FOXO1: variants seen among roughly 807,000 people sequenced by gnomAD.
The protein encoded by FOXO1 is forkhead box protein O1.
A neutral mutation model predicts 44.1 loss-of-function variants in FOXO1; 6 were observed. The observed-to-expected ratio is 0.14, with a 90% CI of 0.07 to 0.27. The LOEUF (loss-of-function observed/expected upper bound fraction) is 0.27. FOXO1 is among the 10% of genes least tolerant of loss of function. FOXO1 has a pLI of 1.00. For synonymous variants in FOXO1, 380 were observed against 362.7 expected (o/e 1.05, Z -0.54); for missense variants, 737 against 888.8 (o/e 0.83, Z 2.17).
Position 40,558,564 on chromosome 13 carries a change from G to T in FOXO1, c.*485C>A. On this transcript the variant is annotated 3_prime_UTR_variant, in exon 3 of 3. Transcript: ENST00000379561. ...CAGTTCTTTGTGATCCGTCAGTTCC[G>T]CAGAAAACAGGTAGTACAAACAAAA... 1 of 290,954 alleles carries T rather than the reference G, an allele frequency of 3.4e-6. No individual in the cohort carries two copies. The highest frequency in any genetic ancestry group is 9.3e-4 in the Middle Eastern group (1 of 1,080). The allele number at this position is 290,954 out of a possible 1,614,324, so 18.0% of individuals were successfully genotyped here. A position where few individuals can be genotyped will look rare whatever the true frequency, so the allele number is the denominator to read the frequency against.
At chr13:40,584,658 T>TTA (rs796556255) in intron 1 of FOXO1, among the ~76,000 whole-genome samples, 16 of 151,894 alleles carry the variant, frequency 1.1e-4, no homozygotes, top group African/African-American at 3.4e-4. Flanking sequence ...CAAACAAACA[T>TTA]TATATATATA....
At chr13:40,665,208 G>A (rs1010551033) in intron 1 of FOXO1, among the ~76,000 whole-genome samples, 5 of 151,964 alleles carry the variant, frequency 3.3e-5, no homozygotes, top group Non-Finnish European at 7.4e-5. Context: ...CCCCGCGGAG[G>A]TCCGGGAGGG....
chr13:40,632,908 T>C (rs1390305786), intron 1 of FOXO1, among the ~76,000 whole-genome samples: 2 of 117,518 alleles, frequency 1.7e-5, no homozygotes, highest in Admixed American at 9.9e-5. Flanking sequence ...TGAAACTCCA[T>C]CTCAAAAAAA....
chr13:40,562,411 C>G (rs1265971808), intron 1 of FOXO1, among the ~76,000 whole-genome samples: 3 of 152,222 alleles, frequency 2.0e-5, no homozygotes, highest in African/African-American at 7.2e-5. Flanking sequence ...CTGCTACTTA[C>G]TTACCTAGGT....
At chr13:40,585,063 G>A (rs1230516640) in intron 1 of FOXO1, among the ~76,000 whole-genome samples, 2 of 152,178 alleles carry the variant, frequency 1.3e-5, no homozygotes, top group Non-Finnish European at 2.9e-5. Context: ...AGGCAAGTAT[G>A]AGAAACACTA....
At chr13:40,596,307 A>C (rs1256931439) in intron 1 of FOXO1, among the ~76,000 whole-genome samples, 1 of 152,212 alleles carries the variant, frequency 6.6e-6, no homozygotes, top group Non-Finnish European at 1.5e-5. Flanking sequence ...GACTGCTGTC[A>C]TCCAGGCAGA....
intron 1 of FOXO1, among the ~76,000 whole-genome samples, chr13:40,609,491 T>A (rs1876148367): frequency 6.6e-6 from 1 of 152,196 alleles, no homozygotes; most frequent in Non-Finnish European, 1.5e-5. Context: ...CAGGTTTCAG[T>A]GCATCCTTCT....
intron 1 of FOXO1, among the ~76,000 whole-genome samples, chr13:40,634,013 C>G (rs1159770800): frequency 6.6e-6 from 1 of 152,160 alleles, no homozygotes; most frequent in Non-Finnish European, 1.5e-5. Flanking sequence ...CACTCACTAT[C>G]AGGGTTGGAA....
At chr13:40,631,132 C>CTG (rs1876948279) in intron 1 of FOXO1, among the ~76,000 whole-genome samples, 1 of 152,194 alleles carries the variant, frequency 6.6e-6, no homozygotes, top group South Asian at 2.1e-4. Context: ...CCAAGAGAGG[C>CTG]TGGACTTAGA....
chr13:40,592,869 A>T (rs530389832), intron 1 of FOXO1, among the ~76,000 whole-genome samples: 1 of 152,352 alleles, frequency 6.6e-6, no homozygotes, highest in East Asian at 1.9e-4. Context: ...TGGGTCTCAC[A>T]TGATCAAACA....
Position 40,602,312 on chromosome 13 carries a change from C to T in FOXO1, c.631-41452G>A, listed in dbSNP as rs753912554. Reference sequence around the variant, plus strand: ...ATTAGTCATTTGCAAGAAACTAAGCCGGCTATCCACAGAGAAATTTTCAAA... The same window carrying T: ...ATTAGTCATTTGCAAGAAACTAAGCTGGCTATCCACAGAGAAATTTTCAAA... On this transcript the variant is annotated intron_variant, in intron 1 of 2. Transcript: ENST00000379561. Among the ~76,000 whole-genome samples the T allele has an allele frequency of 8.6e-5, 13 of 151,860 alleles. No individual in the cohort carries two copies. In the South Asian group the frequency reaches 1.7e-3, roughly 19 times the overall value.
In FOXO1 at chr13:40,603,794, T is replaced by C. The variant is rs942940844; in HGVS notation, c.631-42934A>G. On this transcript the variant is annotated intron_variant, in intron 1 of 2. Coordinates refer to ENST00000379561, the MANE Select transcript of FOXO1 (RefSeq NM_002015.4). ...TCAACTTAGTTTTTCCTAAAGATAA[T>C]TATTTTCACATTCATATTTAATAAC... Among the ~76,000 whole-genome samples the C allele has an allele frequency of 2.0e-5, 3 of 152,220 alleles. No homozygotes were observed. The South Asian group carries it at 6.2e-4, about 32-fold the overall frequency.
rs1191630435 is a variant in FOXO1 at position 40,627,559 on chromosome 13, G to A, written c.630+38024C>T. Among the ~76,000 whole-genome samples, 23 of 152,228 alleles carry A rather than the reference G, an allele frequency of 1.5e-4. 2 individuals are homozygous for A. The highest frequency in any genetic ancestry group is 1.2e-3 in the South Asian group (6 of 4,816). On this transcript the variant is annotated intron_variant, in intron 1 of 2. Transcript: ENST00000379561. Reference sequence around the variant, plus strand: ...TTAACAATAACTTTCCTGGCCAAGCGTGGTGGCTCATGCCTGTAATCCCAG... The same window carrying A: ...TTAACAATAACTTTCCTGGCCAAGCATGGTGGCTCATGCCTGTAATCCCAG...
rs1474066092 is a variant in FOXO1, at chr13:40,560,300, G to A, written c.1191C>T (p.Thr397=). 6.2e-7 allele frequency: 1 copy of A among 1,614,184 alleles called. No individual in the cohort carries two copies. Among genetic ancestry groups the A allele is most frequent in the Non-Finnish European group, 8.5e-7 (1 of 1,180,042 alleles). ...LTVSTQSSPG[T]MMQQTPCYSF... ...AGTAGCACGGCGTCTGCTGCATCAT[G>A]GTGCCAGGTGAGGACTGGGTCGAAA... Residue 397 remains threonine, a synonymous_variant, in exon 2 of 3, where the codon ACC becomes ACT. Transcript: ENST00000379561. The surrounding 1 kb of genome is among the most constrained non-coding windows in gnomAD (Gnocchi z 5.1).
At chr13:40,663,962 G>A (rs925643134) in intron 1 of FOXO1, among the ~76,000 whole-genome samples, 4 of 152,218 alleles carry the variant, frequency 2.6e-5, no homozygotes, top group Non-Finnish European at 5.9e-5. Flanking sequence ...GAGAGGCGAA[G>A]AAAGGTATGT....
intron 1 of FOXO1, among the ~76,000 whole-genome samples, chr13:40,611,479 C>T (rs1245611842): frequency 6.6e-6 from 1 of 152,152 alleles, no homozygotes; most frequent in Non-Finnish European, 1.5e-5. Flanking sequence ...AAATATTCAT[C>T]GCTTCTGCTG....
At chr13:40,596,473 T>C (rs935632341) in intron 1 of FOXO1, among the ~76,000 whole-genome samples, 9 of 152,238 alleles carry the variant, frequency 5.9e-5, no homozygotes, top group African/African-American at 2.2e-4. Flanking sequence ...GGAAGAGATG[T>C]AGCTTTGGAG....
chr13:40,566,978 G>A (rs2137832004), intron 1 of FOXO1, among the ~76,000 whole-genome samples: 1 of 152,216 alleles, frequency 6.6e-6, no homozygotes, highest in East Asian at 1.9e-4. Context: ...CCCTCTGCTT[G>A]CAGCTCTCTG....
chr13:40,666,607 T>C lies in FOXO1; in HGVS notation c.-395A>G, dbSNP rs370075797. On this transcript the variant is annotated 5_prime_UTR_variant, in exon 1 of 3. Transcript: ENST00000379561. ...TGAATGTGGCGGCTGCGGCAGCGGC[T>C]GCTGCGACTACCAGGCCGCCCGACT... 1 of 192,572 alleles carries C rather than the reference T, an allele frequency of 5.2e-6. No individual in the cohort carries two copies. Among genetic ancestry groups the C allele is most frequent in the East Asian group, 8.1e-5 (1 of 12,274 alleles). 11.9% of individuals were successfully genotyped at this position (192,572 alleles called of 1,614,324 possible).
Sources: allele counts gnomAD v4.1 joint callset (sites outside exome capture counted in the v4.1 genomes callset), GRCh38; gene constraint gnomAD v4.1.1; non-coding constraint Gnocchi (gnomAD v3.1); transcripts MANE v1.5; gene names NCBI Gene and HGNC (gene_info 2026-07-23, HGNC 2026-07-21).